KLHL2: variants seen among roughly 807,000 people sequenced by gnomAD.
KLHL2 encodes the protein kelch like family member 2.
A neutral mutation model predicts 75.8 loss-of-function variants in KLHL2; 15 were observed. That is an observed-to-expected ratio of 0.20 (90% CI 0.13 to 0.30). The LOEUF (loss-of-function observed/expected upper bound fraction) is 0.30, where lower values mean the gene tolerates loss of function less well. KLHL2 is among the 10% of genes least tolerant of loss of function. KLHL2 has a pLI of 1.00. For synonymous variants in KLHL2, 214 were observed against 251.9 expected (o/e 0.85, Z 1.42); for missense variants, 381 against 741.0 (o/e 0.51, Z 5.64).
At chr4:165,313,195 T>C in intron 11 of KLHL2, 43 bp from the exon 12 acceptor site, 1 of 1,587,896 alleles carries the variant, frequency 6.3e-7, no homozygotes, top group Non-Finnish European at 8.5e-7. Context: ...TTTGTTTGTT[T>C]GTTTTTTAAT....
At chr4:165,231,458 T>TA in intron 3 of KLHL2, among the ~76,000 whole-genome samples, 1 of 152,276 alleles carries the variant, frequency 6.6e-6, no homozygotes, top group African/African-American at 2.4e-5. Context: ...ATTACCTATA[T>TA]TAAGTGCACA....
In KLHL2 at chr4:165,307,879, A is replaced by G. The variant is rs78542555; in HGVS notation, c.1039+2154A>G. 2.4e-3 allele frequency among the ~76,000 whole-genome samples: 364 copies of G among 152,300 alleles called. 8 individuals are homozygous for G. The East Asian group carries it at 0.034, about 14-fold the overall frequency. On this transcript the variant is annotated intron_variant, in intron 9 of 14. Coordinates refer to ENST00000226725, the MANE Select transcript of KLHL2 (RefSeq NM_007246.4). ...TGGGCTGTATTTTAGTCTAAGATGT[A>G]AGGTATAGATTTTGGTTTTTAATGG...
chr4:165,277,688 T>C lies in KLHL2; in HGVS notation c.544+14329T>C, dbSNP rs570943538. The C allele has an allele frequency of 5.7e-5, 30 of 522,700 alleles. No homozygotes were observed. In the East Asian group the frequency reaches 1.1e-3, roughly 18 times the overall value. The allele number at this position is 522,700 out of a possible 1,614,324, so 32.4% of individuals were successfully genotyped here. ...TTAGAGGGAATGGAGCAGGATGTTATGGCAATGGAGGGGGTCAGCCCCAAA... is the reference window on the plus strand; with the variant it reads ...TTAGAGGGAATGGAGCAGGATGTTACGGCAATGGAGGGGGTCAGCCCCAAA... On this transcript the variant is annotated intron_variant, in intron 5 of 14. Transcript: ENST00000226725.
At chr4:165,262,664 G>A (rs1231190418) in intron 4 of KLHL2, among the ~76,000 whole-genome samples, 2 of 151,906 alleles carry the variant, frequency 1.3e-5, no homozygotes, top group African/African-American at 4.8e-5. Context: ...CTACAGCCTC[G>A]ACCTCTCAGG....
chr4:165,305,542 A>T, intron 8 of KLHL2, 66 bp from the exon 9 acceptor site: 1 of 1,284,022 alleles, frequency 7.8e-7, no homozygotes, highest in South Asian at 1.2e-5. Flanking sequence ...GTGTCTTTGT[A>T]GGACATTTTA....
chr4:165,312,321 A>C (rs1746267491), intron 11 of KLHL2, among the ~76,000 whole-genome samples: 1 of 152,136 alleles, frequency 6.6e-6, no homozygotes, highest in African/African-American at 2.4e-5. Flanking sequence ...GTGTAATTTT[A>C]TATCTGGAGA....
chr4:165,231,733 C>A (rs1738911157), intron 3 of KLHL2, among the ~76,000 whole-genome samples: 1 of 152,086 alleles, frequency 6.6e-6, no homozygotes, highest in African/African-American at 2.4e-5. Context: ...ATGTGCAGTT[C>A]TTTGTGTGGA....
chr4:165,305,575 T>G (rs767928327), intron 8 of KLHL2, 33 bp from the exon 9 acceptor site: 8 of 1,511,312 alleles, frequency 5.3e-6, no homozygotes, highest in Non-Finnish European at 7.4e-6. Context: ...GTAATAGTCA[T>G]TTGTTCAAGT....
At chr4:165,299,405 A>T in intron 7 of KLHL2, 102 bp from the exon 8 acceptor site, 2 of 1,034,922 alleles carry the variant, frequency 1.9e-6, no homozygotes, top group Non-Finnish European at 2.8e-6. Context: ...AAACTAAAGG[A>T]TATAGTTACT....
chr4:165,219,621 T>C, intron 1 of KLHL2: 11 of 1,017,462 alleles, frequency 1.1e-5, no homozygotes, highest in Non-Finnish European at 1.3e-5. Context: ...TAATTTCCAA[T>C]GGAGAAGATC....
At chr4:165,260,718 A>G (rs1372504028) in intron 4 of KLHL2, among the ~76,000 whole-genome samples, 1 of 152,128 alleles carries the variant, frequency 6.6e-6, no homozygotes, top group Non-Finnish European at 1.5e-5. Context: ...CAATTATTTG[A>G]TCAGTCTCCT....
intron 5 of KLHL2, among the ~76,000 whole-genome samples, chr4:165,264,739 TGTATATATATATATATATATATATATAA>T (rs1269897693): frequency 0.013 from 802 of 60,450 alleles, 5 homozygotes; most frequent in East Asian, 0.065. Context: ...TATATATATA[TGTATATATATATATATATATATATATAA>T]AACATTATCC....
At chr4:165,253,794 A>G (rs536538456) in intron 4 of KLHL2, among the ~76,000 whole-genome samples, 1 of 152,370 alleles carries the variant, frequency 6.6e-6, no homozygotes, top group East Asian at 1.9e-4. Flanking sequence ...TATTTCTTTT[A>G]AGGCTGACTT....
At chr4:165,263,589 G>C (rs1183640257) in intron 5 of KLHL2, among the ~76,000 whole-genome samples, 2 of 151,400 alleles carry the variant, frequency 1.3e-5, no homozygotes, top group Non-Finnish European at 2.9e-5. Flanking sequence ...AGAATAGCTA[G>C]GAATAGCTAG....
chr4:165,244,075 C>G (rs1740031351), intron 4 of KLHL2, among the ~76,000 whole-genome samples: 1 of 151,922 alleles, frequency 6.6e-6, no homozygotes, highest in Non-Finnish European at 1.5e-5. Context: ...TTAAGTGCAG[C>G]AAGAACTGAG....
chr4:165,232,663 C>T (rs1257034560), intron 3 of KLHL2, among the ~76,000 whole-genome samples: 3 of 151,950 alleles, frequency 2.0e-5, no homozygotes, highest in Non-Finnish European at 4.4e-5. Flanking sequence ...TCGCTTGAGC[C>T]TAGGAAGCAG....
chr4:165,210,437 C>A (rs1201462152), intron 1 of KLHL2, among the ~76,000 whole-genome samples: 2 of 151,628 alleles, frequency 1.3e-5, no homozygotes, highest in Admixed American at 1.3e-4. Context: ...TTTTCTATTC[C>A]TTGCCTCCAA....
chr4:165,311,126 G>T (rs895176454), intron 10 of KLHL2, among the ~76,000 whole-genome samples: 3 of 151,868 alleles, frequency 2.0e-5, no homozygotes, highest in Admixed American at 2.0e-4. Context: ...CAAAGTGCTG[G>T]GATTACAACA....
rs1033575800 is a variant in KLHL2, at chr4:165,322,230, A to G, written c.*170A>G. On this transcript the variant is annotated 3_prime_UTR_variant, in exon 15 of 15. Coordinates refer to ENST00000226725, the MANE Select transcript of KLHL2 (RefSeq NM_007246.4). ...TCAGATACTGAAGATTATTTTTGGT[A>G]GAAGCACCGTGTAGGCTTTTTCTGC... 9 of 636,660 alleles carry G rather than the reference A, an allele frequency of 1.4e-5. No homozygotes were observed. Among genetic ancestry groups the G allele is most frequent in the Middle Eastern group, 5.1e-4 (2 of 3,924 alleles). The allele number at this position is 636,660 out of a possible 1,614,324, so 39.4% of individuals were successfully genotyped here.
Sources: gnomAD v4.1 joint callset for allele counts (sites outside exome capture counted in the v4.1 genomes callset) on GRCh38, gnomAD v4.1.1 for gene constraint, MANE v1.5 for transcripts, NCBI Gene and HGNC (gene_info 2026-07-23, HGNC 2026-07-21) for gene names.